OLFM3: variants seen among roughly 807,000 people sequenced by gnomAD.
The protein encoded by OLFM3 is olfactomedin 3.
Under a neutral mutation model 48.6 loss-of-function variants are expected in OLFM3, and 20 were observed. That is an observed-to-expected ratio of 0.41 (90% CI 0.29 to 0.60). OLFM3 has a LOEUF of 0.60. OLFM3 is among the 20% of genes least tolerant of loss of function. The pLI, the probability that OLFM3 is intolerant of heterozygous loss-of-function variation, is 0.28. For missense variants in OLFM3, 437 were observed against 544.3 expected (o/e 0.80, Z 1.96); for synonymous variants, 222 against 198.1 (o/e 1.12, Z -1.01).
At chr1:101,857,604 C>G (rs1656479042) in intron 1 of OLFM3, among the ~76,000 whole-genome samples, 1 of 151,816 alleles carries the variant, frequency 6.6e-6, no homozygotes, top group African/African-American at 2.4e-5. Flanking sequence ...CCCCCCTCTC[C>G]TTTCCCCTTC....
chr1:101,828,020 CTCTCTCTCTCTCTG>C (rs1654948053), intron 3 of OLFM3, among the ~76,000 whole-genome samples: 1 of 121,718 alleles, frequency 8.2e-6, no homozygotes, highest in African/African-American at 3.2e-5. Context: ...CTCTCTCTCT[CTCTCTCTCTCTCTG>C]TCTGTCTGTC....
At chr1:101,891,625 T>C (rs1200897949) in intron 1 of OLFM3, among the ~76,000 whole-genome samples, 1 of 151,910 alleles carries the variant, frequency 6.6e-6, no homozygotes, top group Non-Finnish European at 1.5e-5. Flanking sequence ...GTAATAAACA[T>C]TAAAAACTAG....
intron 1 of OLFM3, among the ~76,000 whole-genome samples, chr1:101,875,182 A>G (rs1315670964): frequency 1.3e-5 from 2 of 152,022 alleles, no homozygotes; most frequent in East Asian, 3.9e-4. Flanking sequence ...GGGAGGAAAA[A>G]TACTGAGATG....
chr1:101,903,885 ATGAC>A (rs1658471823), intron 1 of OLFM3, among the ~76,000 whole-genome samples: 1 of 152,056 alleles, frequency 6.6e-6, no homozygotes, highest in Non-Finnish European at 1.5e-5. Context: ...TTATTTTTAA[ATGAC>A]TGATTACAAT....
At chr1:101,888,650 G>A (rs1337402241) in intron 1 of OLFM3, among the ~76,000 whole-genome samples, 14 of 152,210 alleles carry the variant, frequency 9.2e-5, no homozygotes, top group East Asian at 1.9e-4. Flanking sequence ...ATTGACAAAC[G>A]GGATCTAATT....
chr1:101,949,900 C>T (rs368225969), intron 1 of OLFM3, among the ~76,000 whole-genome samples: 1 of 135,544 alleles, frequency 7.4e-6, no homozygotes, highest in African/African-American at 2.6e-5. Flanking sequence ...ACTGCACACT[C>T]CAGCCTGGGC....
At chr1:101,847,046 C>G in intron 1 of OLFM3, 3 of 1,532,754 alleles carry the variant, frequency 2.0e-6, no homozygotes, top group Non-Finnish European at 2.7e-6. Context: ...GGAGGCGTGA[C>G]TGCAGCGCGC....
In OLFM3 at chr1:101,962,217, C is replaced by G. The variant is rs548777770; in HGVS notation, c.69+34531G>C. On this transcript the variant is annotated intron_variant, in intron 1 of 5. Coordinates refer to ENST00000370103, the MANE Select transcript of OLFM3 (RefSeq NM_058170.4). ...TAGGGATTATAAACTTCGTGGAGTTCTGCAATTCAATGCAATAAACCTGTA... is the reference window on the plus strand; with the variant it reads ...TAGGGATTATAAACTTCGTGGAGTTGTGCAATTCAATGCAATAAACCTGTA... Among the ~76,000 whole-genome samples the G allele has an allele frequency of 4.6e-5, 7 of 152,066 alleles. No individual in the cohort carries two copies. The South Asian group carries it at 1.0e-3, about 22-fold the overall frequency.
At chr1:101,862,921 G>A (rs371081379) in intron 1 of OLFM3, among the ~76,000 whole-genome samples, 1 of 151,812 alleles carries the variant, frequency 6.6e-6, no homozygotes, top group Non-Finnish European at 1.5e-5. Flanking sequence ...AATGCCCTTT[G>A]AAAATCTCTG....
chr1:101,916,199 A>G (rs953459360), intron 1 of OLFM3, among the ~76,000 whole-genome samples: 2 of 152,292 alleles, frequency 1.3e-5, no homozygotes, highest in East Asian at 1.9e-4. Context: ...AGATAATTTA[A>G]CAAACCCTAT....
chr1:101,853,570 C>T (rs1226080565), intron 1 of OLFM3, among the ~76,000 whole-genome samples: 1 of 151,962 alleles, frequency 6.6e-6, no homozygotes, highest in Non-Finnish European at 1.5e-5. Flanking sequence ...TATTCTTAGC[C>T]TAGAAGAGTG....
intron 1 of OLFM3, among the ~76,000 whole-genome samples, chr1:101,898,413 C>T (rs1476542620): frequency 1.3e-5 from 2 of 152,138 alleles, no homozygotes; most frequent in African/African-American, 2.4e-5. Flanking sequence ...TGTATCAAAA[C>T]TTTGAAATTA....
chr1:101,966,346 TGTGTGC>T (rs1553183905), intron 1 of OLFM3, among the ~76,000 whole-genome samples: 23,682 of 148,728 alleles, frequency 0.16, 2,213 homozygotes, highest in Non-Finnish European at 0.19. Flanking sequence ...TGTGTGTGTG[TGTGTGC>T]GCTACAGATA....
At chr1:101,962,080 T>A (rs988231434) in intron 1 of OLFM3, among the ~76,000 whole-genome samples, 9 of 152,152 alleles carry the variant, frequency 5.9e-5, no homozygotes, top group African/African-American at 1.9e-4. Context: ...TGTAGAGGTG[T>A]TTAGTGAAGC....
intron 1 of OLFM3, among the ~76,000 whole-genome samples, chr1:101,934,200 G>A (rs765714883): frequency 6.6e-6 from 1 of 152,266 alleles, no homozygotes; most frequent in East Asian, 1.9e-4. Context: ...AGACCCAATG[G>A]TCTGCTGTCT....
chr1:101,836,355 T>C (rs567668260), intron 2 of OLFM3, among the ~76,000 whole-genome samples: 13 of 152,238 alleles, frequency 8.5e-5, no homozygotes, highest in Non-Finnish European at 1.8e-4. Flanking sequence ...GAATCCATAT[T>C]AAGTAAATTA....
chr1:101,841,766 T>A (rs935927648), intron 1 of OLFM3, among the ~76,000 whole-genome samples: 9 of 152,360 alleles, frequency 5.9e-5, no homozygotes, highest in African/African-American at 2.2e-4. Context: ...TTTTTTGTAT[T>A]ATCCTGATTT....
chr1:101,941,189 C>G (rs1044417889), intron 1 of OLFM3, among the ~76,000 whole-genome samples: 9 of 152,120 alleles, frequency 5.9e-5, no homozygotes, highest in African/African-American at 2.2e-4. Flanking sequence ...GAGAACAGAG[C>G]AAATAAAGAT....
intron 1 of OLFM3, chr1:101,859,735 A>G (rs6659134): frequency 6.6e-6 from 1 of 151,892 alleles, no homozygotes; most frequent in Non-Finnish European, 1.5e-5. Flanking sequence ...TTCAACCTAT[A>G]TAACAGAAAG....
Sources: allele counts gnomAD v4.1 joint callset (sites outside exome capture counted in the v4.1 genomes callset), GRCh38; gene constraint gnomAD v4.1.1; transcripts MANE v1.5; gene names NCBI Gene and HGNC (gene_info 2026-07-23, HGNC 2026-07-21).